Variants in NALF1 observed in about 807,000 individuals in gnomAD.
NALF1 encodes the protein family with sequence similarity 155 member A.
A neutral mutation model predicts 48.4 loss-of-function variants in NALF1; 3 were observed. The ratio of observed to expected loss-of-function variants is 0.06; its 90% CI spans 0.03 to 0.16. NALF1 has a LOEUF of 0.16. Ranked by LOEUF, NALF1 falls within the 10% of genes least tolerant of loss-of-function variation. The pLI, the probability that NALF1 is intolerant of heterozygous loss-of-function variation, is 1.00. For missense variants in NALF1, 526 were observed against 571.5 expected (o/e 0.92, Z 0.81); for synonymous variants, 262 against 245.7 (o/e 1.07, Z -0.62).
chr13:107,509,614 T>C (rs1875813440), intron 1 of NALF1, among the ~76,000 whole-genome samples: 1 of 152,104 alleles, frequency 6.6e-6, no homozygotes, highest in Non-Finnish European at 1.5e-5. Context: ...TATCTTATTA[T>C]ATGCAGATTC....
chr13:107,174,528 T>G (rs933427618), intron 2 of NALF1, among the ~76,000 whole-genome samples: 4 of 151,798 alleles, frequency 2.6e-5, no homozygotes, highest in Non-Finnish European at 4.4e-5. Context: ...GCTAATTTTT[T>G]GTATTTTTAG....
chr13:107,496,845 A>T, intron 1 of NALF1, among the ~76,000 whole-genome samples: 1 of 152,252 alleles, frequency 6.6e-6, no homozygotes, highest in East Asian at 1.9e-4. Context: ...AAGTCATTAG[A>T]TCTTGTGAGA....
rs139089109 is a variant in NALF1, at chr13:107,541,141, G to C, written c.915+324541C>G. ...CAAAGCTTTTAATAACCTTACAAATGTACTGCAATTAATTATTCAACTGTC... is the reference window on the plus strand; with the variant it reads ...CAAAGCTTTTAATAACCTTACAAATCTACTGCAATTAATTATTCAACTGTC... On this transcript the variant is annotated intron_variant, in intron 1 of 2. Transcript: ENST00000375915. Among the ~76,000 whole-genome samples the C allele has an allele frequency of 4.6e-3, 699 of 152,116 alleles. 4 individuals are homozygous for C. The highest frequency in any genetic ancestry group is 0.016 in the African/African-American group (656 of 41,544).
chr13:107,683,897 C>T (rs1219301915), intron 1 of NALF1, among the ~76,000 whole-genome samples: 10 of 152,344 alleles, frequency 6.6e-5, no homozygotes, highest in South Asian at 2.1e-4. Context: ...CAACCCAATA[C>T]TGACTTTTGC....
intron 1 of NALF1, among the ~76,000 whole-genome samples, chr13:107,453,491 G>A (rs1884776097): frequency 6.6e-6 from 1 of 152,168 alleles, no homozygotes; most frequent in South Asian, 2.1e-4. Context: ...TAGGACACAG[G>A]GCATCAAGTC....
intron 1 of NALF1, among the ~76,000 whole-genome samples, chr13:107,243,216 T>C (rs1420322625): frequency 6.6e-6 from 1 of 152,198 alleles, no homozygotes; most frequent in Non-Finnish European, 1.5e-5. Flanking sequence ...TGCGTCTATT[T>C]CCTTTCTTTG....
At chr13:107,565,577 T>C (rs1877789006) in intron 1 of NALF1, among the ~76,000 whole-genome samples, 1 of 152,112 alleles carries the variant, frequency 6.6e-6, no homozygotes. Flanking sequence ...TTGAATAACC[T>C]CTTTTCTAGG....
intron 2 of NALF1, among the ~76,000 whole-genome samples, chr13:107,178,894 G>A (rs181862035): frequency 9.5e-4 from 144 of 151,808 alleles, no homozygotes; most frequent in Middle Eastern, 3.4e-3. Context: ...GCAGTGAGCC[G>A]CGATCCCGCC....
At chr13:107,822,903 G>A (rs1489258115) in intron 1 of NALF1, among the ~76,000 whole-genome samples, 1 of 152,162 alleles carries the variant, frequency 6.6e-6, no homozygotes, top group African/African-American at 2.4e-5. Context: ...CATGGGGTGT[G>A]AGTATTAATT....
chr13:107,217,113 CT>C (rs1879889539), intron 1 of NALF1, among the ~76,000 whole-genome samples: 1 of 152,128 alleles, frequency 6.6e-6, no homozygotes, highest in African/African-American at 2.4e-5. Context: ...CAATATCTTC[CT>C]TGTTTTATCT....
intron 1 of NALF1, among the ~76,000 whole-genome samples, chr13:107,723,578 GA>G (rs1345433281): frequency 6.6e-6 from 1 of 152,118 alleles, no homozygotes; most frequent in Non-Finnish European, 1.5e-5. Context: ...ATAAAAATAA[GA>G]AAAAGTCATC....
intron 1 of NALF1, among the ~76,000 whole-genome samples, chr13:107,765,989 T>G (rs1370018942): frequency 6.8e-6 from 1 of 147,886 alleles, no homozygotes; most frequent in African/African-American, 2.5e-5. Flanking sequence ...AATAGCTATG[T>G]TTTAGCTGTT....
At chr13:107,621,328 T>C (rs375799593) in intron 1 of NALF1, among the ~76,000 whole-genome samples, 9 of 152,242 alleles carry the variant, frequency 5.9e-5, no homozygotes, top group African/African-American at 2.2e-4. Flanking sequence ...TGTAAATACA[T>C]GTGTGCACAT....
chr13:107,688,990 C>T (rs992763844), intron 1 of NALF1, among the ~76,000 whole-genome samples: 1 of 152,208 alleles, frequency 6.6e-6, no homozygotes, highest in South Asian at 2.1e-4. Context: ...TGTCGAAGGA[C>T]AAATGGCACG....
At chr13:107,585,831 C>T (rs1878439307) in intron 1 of NALF1, among the ~76,000 whole-genome samples, 1 of 152,098 alleles carries the variant, frequency 6.6e-6, no homozygotes, top group Non-Finnish European at 1.5e-5. Context: ...ATTTCATTAA[C>T]TTAATCACTC....
chr13:107,264,718 T>TA (rs1428009915), intron 1 of NALF1, among the ~76,000 whole-genome samples: 3 of 152,246 alleles, frequency 2.0e-5, no homozygotes, highest in Admixed American at 2.0e-4. Context: ...TCTGTGCAGC[T>TA]ACTCAGGTTT....
intron 1 of NALF1, among the ~76,000 whole-genome samples, chr13:107,737,220 T>G (rs1876492628): frequency 6.6e-6 from 1 of 152,232 alleles, no homozygotes; most frequent in East Asian, 1.9e-4. Context: ...ATGATTATTA[T>G]TAATGATTTC....
chr13:107,526,279 T>C (rs900307779), intron 1 of NALF1, among the ~76,000 whole-genome samples: 1 of 152,150 alleles, frequency 6.6e-6, no homozygotes, highest in East Asian at 1.9e-4. Flanking sequence ...AAGATATACC[T>C]ACCACAGTGC....
intron 1 of NALF1, among the ~76,000 whole-genome samples, chr13:107,709,581 C>A (rs964337805): frequency 6.6e-6 from 1 of 152,228 alleles, no homozygotes; most frequent in Non-Finnish European, 1.5e-5. Flanking sequence ...TAGCTGCTGA[C>A]AAGATGCCAC....
Sources: allele counts gnomAD v4.1 joint callset (sites outside exome capture counted in the v4.1 genomes callset), GRCh38; gene constraint gnomAD v4.1.1; transcripts MANE v1.5; gene names NCBI Gene and HGNC (gene_info 2026-07-23, HGNC 2026-07-21).